MGLL: variants seen among roughly 807,000 people sequenced by gnomAD.
MGLL encodes monoglyceride lipase.
MGLL carries 7 observed loss-of-function variants against 29.1 expected under a neutral mutation model. The observed-to-expected ratio is 0.24, with a 90% CI of 0.14 to 0.45. The LOEUF (loss-of-function observed/expected upper bound fraction) is 0.45. MGLL is among the 20% of genes least tolerant of loss of function. The pLI, the probability that MGLL is intolerant of heterozygous loss-of-function variation, is 0.99. For missense variants in MGLL, 356 were observed against 413.6 expected, an observed-to-expected ratio of 0.86 and a Z score of 1.21; for synonymous variants, 148 against 168.3, an observed-to-expected ratio of 0.88 and a Z score of 0.93.
At chr3:127,737,863 C>T (rs1457274567) in intron 3 of MGLL, among the ~76,000 whole-genome samples, 1 of 151,864 alleles carries the variant, frequency 6.6e-6, no homozygotes, top group African/African-American at 2.4e-5. Context: ...AGGCTAGTCT[C>T]GAACTTCTGA....
chr3:127,778,081 A>G (rs1456349123), intron 3 of MGLL, among the ~76,000 whole-genome samples: 3 of 152,230 alleles, frequency 2.0e-5, no homozygotes, highest in Non-Finnish European at 4.4e-5. Context: ...CGCGGCGCCT[A>G]GAGGTTTCTG....
rs115638352 is a variant in MGLL, at chr3:127,742,780, T to A, written c.263-20214A>T. On this transcript the variant is annotated intron_variant, in intron 3 of 7. Transcript: ENST00000265052. Reference sequence around the variant, plus strand: ...CAGTGGATCAGAACATAATCTGGGCTGTCAGCCCACTGATTTGGAAGCCCT... The same window carrying A: ...CAGTGGATCAGAACATAATCTGGGCAGTCAGCCCACTGATTTGGAAGCCCT... 7.2e-3 allele frequency among the ~76,000 whole-genome samples: 1,099 copies of A among 152,246 alleles called. 11 individuals are homozygous for A. The highest frequency in any genetic ancestry group is 0.026 in the African/African-American group (1,067 of 41,534).
intron 2 of MGLL, among the ~76,000 whole-genome samples, chr3:127,817,079 A>G (rs2077770989): frequency 6.6e-6 from 1 of 152,222 alleles, no homozygotes; most frequent in African/African-American, 2.4e-5. Context: ...GGTGACTACA[A>G]AGTTCCTGGA....
chr3:127,737,321 T>C (rs1286240803), intron 3 of MGLL, among the ~76,000 whole-genome samples: 1 of 151,798 alleles, frequency 6.6e-6, no homozygotes, highest in East Asian at 2.0e-4. Flanking sequence ...CACCTCTGTG[T>C]GACCTTGGGC....
chr3:127,695,973 C>T (rs570201457), intron 6 of MGLL, among the ~76,000 whole-genome samples: 11 of 152,144 alleles, frequency 7.2e-5, no homozygotes, highest in Non-Finnish European at 1.3e-4. Flanking sequence ...TGCTGGAAAG[C>T]GAGGGCCCAT....
At chr3:127,744,436 G>C (rs139577250) in intron 3 of MGLL, among the ~76,000 whole-genome samples, 1 of 152,320 alleles carries the variant, frequency 6.6e-6, no homozygotes, top group Admixed American at 6.5e-5. Context: ...GCCCACAGTG[G>C]CCATTCTCCT....
At chr3:127,733,125 G>A (rs929663878) in intron 3 of MGLL, among the ~76,000 whole-genome samples, 3 of 152,246 alleles carry the variant, frequency 2.0e-5, no homozygotes, top group South Asian at 4.1e-4. Context: ...TGATAAAACC[G>A]GTTGCAGTAA....
chr3:127,726,177 A>AAAGAAAGG lies in MGLL; in HGVS notation c.263-3612_263-3611insCCTTTCTT, dbSNP rs1553758428. ...GAAAGAAAGAAAGAAAGAAAGAAAG[A>AAAGAAAGG]AAGAAAGAAAAGAAAAGAAAGAAAG... On this transcript the variant is annotated intron_variant, in intron 3 of 7. Transcript: ENST00000265052. 6.6e-4 allele frequency among the ~76,000 whole-genome samples: 28 copies of AAAGAAAGG among 42,568 alleles called. 1 individual carries two copies. Among genetic ancestry groups the AAAGAAAGG allele is most frequent in the Non-Finnish European group, 1.1e-3 (21 of 18,522 alleles). The allele number at this position is 42,568 out of a possible 152,430, so 27.9% of individuals were successfully genotyped here.
intron 6 of MGLL, among the ~76,000 whole-genome samples, chr3:127,702,315 G>C (rs2075506997): frequency 6.6e-6 from 1 of 152,198 alleles, no homozygotes; most frequent in Non-Finnish European, 1.5e-5. Flanking sequence ...TGAGCTGCCT[G>C]CAGGGTGGCA....
At chr3:127,747,147 C>T (rs957327254) in intron 3 of MGLL, among the ~76,000 whole-genome samples, 3 of 152,312 alleles carry the variant, frequency 2.0e-5, no homozygotes, top group Non-Finnish European at 2.9e-5. Context: ...AGTACCTGCT[C>T]TTTGATGGGC....
chr3:127,738,802 A>G (rs185039207), intron 3 of MGLL, among the ~76,000 whole-genome samples: 139 of 152,316 alleles, frequency 9.1e-4, no homozygotes, highest in Admixed American at 2.2e-3. Flanking sequence ...GTGACTGTAT[A>G]AAGAAGCGGT....
At chr3:127,755,977 G>C (rs570778572) in intron 3 of MGLL, among the ~76,000 whole-genome samples, 1 of 152,330 alleles carries the variant, frequency 6.6e-6, no homozygotes, top group Admixed American at 6.5e-5. Flanking sequence ...CTAGCAATCA[G>C]TGTGGCTATG....
chr3:127,744,054 A>G (rs2076395806), intron 3 of MGLL, among the ~76,000 whole-genome samples: 1 of 152,170 alleles, frequency 6.6e-6, no homozygotes, highest in African/African-American at 2.4e-5. Context: ...CTAATTGACA[A>G]CAGCTTGAAA....
chr3:127,775,724 T>G (rs1160737014), intron 3 of MGLL, among the ~76,000 whole-genome samples: 1 of 152,266 alleles, frequency 6.6e-6, no homozygotes. Context: ...CCCCAGCAAG[T>G]GCTCCTGGAG....
intron 6 of MGLL, among the ~76,000 whole-genome samples, chr3:127,697,632 C>A (rs756343650): frequency 1.7e-4 from 26 of 152,302 alleles, no homozygotes; most frequent in East Asian, 9.6e-4. Flanking sequence ...CACATGACCA[C>A]GTTCTGGCCA....
At chr3:127,752,103 CTTT>C (rs34517374) in intron 3 of MGLL, among the ~76,000 whole-genome samples, 1 of 148,226 alleles carries the variant, frequency 6.7e-6, no homozygotes, top group African/African-American at 2.5e-5. Flanking sequence ...CTCTGTGTCA[CTTT>C]TTTTTTTTTA....
At chr3:127,818,243 G>A (rs776378584) in intron 2 of MGLL, among the ~76,000 whole-genome samples, 12 of 152,172 alleles carry the variant, frequency 7.9e-5, no homozygotes, top group Non-Finnish European at 1.6e-4. Context: ...GATTATAGGC[G>A]TGAGCCACTG....
chr3:127,796,026 A>G (rs2077377015), intron 2 of MGLL, among the ~76,000 whole-genome samples: 1 of 152,138 alleles, frequency 6.6e-6, no homozygotes, highest in Non-Finnish European at 1.5e-5. Flanking sequence ...ACATCTTCCC[A>G]TGGAAATAGC....
chr3:127,693,109 C>T (rs1028952146), intron 7 of MGLL, among the ~76,000 whole-genome samples: 9 of 152,192 alleles, frequency 5.9e-5, no homozygotes, highest in Non-Finnish European at 1.2e-4. Flanking sequence ...GACTTCAGTG[C>T]GACGCTAATG....
Sources: allele counts gnomAD v4.1 joint callset (sites outside exome capture counted in the v4.1 genomes callset), GRCh38; gene constraint gnomAD v4.1.1; transcripts MANE v1.5; gene names NCBI Gene and HGNC (gene_info 2026-07-23, HGNC 2026-07-21).